The following MTCH2 variants were observed in gnomAD, a reference collection of about 807,000 sequenced individuals.
MTCH2 encodes the protein mitochondrial carrier homolog 2.
Under a neutral mutation model 50.6 loss-of-function variants are expected in MTCH2, and 25 were observed. The observed-to-expected ratio is 0.49, with a 90% confidence interval of 0.36 to 0.69. The LOEUF (loss-of-function observed/expected upper bound fraction) is 0.69, where lower values mean the gene tolerates loss of function less well. Among genes scored for constraint, MTCH2 ranks in the 30% least tolerant of loss-of-function variants. The pLI is 0.00. For synonymous variants in MTCH2, 106 were observed against 132.0 expected, an observed-to-expected ratio of 0.80 and a Z score of 1.35; for missense variants, 273 against 384.4, an observed-to-expected ratio of 0.71 and a Z score of 2.42.
the MTCH2 span, among the ~76,000 whole-genome samples, chr11:47,607,270 C>T: frequency 6.6e-6 from 1 of 152,202 alleles, no homozygotes; most frequent in African/African-American, 2.4e-5. Flanking sequence ...CTTCTGTGCT[C>T]AGCTTAGCTT....
Position 47,638,708 on chromosome 11 carries a change from T to C in MTCH2, c.270A>G (p.Lys90=). The change falls in exon 3 of 13, where the codon AAA becomes AAG. Residue 90 remains lysine (K), a synonymous_variant. Coordinates refer to ENST00000302503, the MANE Select transcript of MTCH2 (RefSeq NM_014342.4). The part of the protein sequence containing the change: ...SGVLGTVVHG[K]VLQHYQESDK... ...TTAATTTTCCTCTTACCTGTAAAAC[T>C]TTACCATGGACCACAGTTCCAAGGA... 1 of 1,613,830 alleles carries C rather than the reference T, an allele frequency of 6.2e-7. No homozygotes were observed.
At chr11:47,633,916 TTAAG>T (rs2097306067) in intron 5 of MTCH2, among the ~76,000 whole-genome samples, 1 of 152,080 alleles carries the variant, frequency 6.6e-6, no homozygotes, top group Non-Finnish European at 1.5e-5. Flanking sequence ...ATGTGAAGAC[TTAAG>T]TAATAAGAGA....
chr11:47,618,999 A>C (rs1036008215), intron 12 of MTCH2, 80 bp from the exon 13 acceptor site: 2 of 1,251,566 alleles, frequency 1.6e-6, no homozygotes, highest in Non-Finnish European at 2.3e-6. Context: ...GAGAGGTCCA[A>C]TTGGGAGACG....
In MTCH2 at chr11:47,625,650, G is replaced by C. The variant is rs2153799052; in HGVS notation, c.749+24C>G. ...TCAGCATACAGTCAACCACCTACTA[G>C]AATAAGAAATACAAAGTGCTTACCC... On this transcript the variant is annotated intron_variant, in intron 11 of 12. Transcript: ENST00000302503. 3 of 1,234,178 alleles carry C rather than the reference G, an allele frequency of 2.4e-6. No homozygotes were observed. In the East Asian group the frequency reaches 8.4e-5, roughly 35 times the overall value. The allele number at this position is 1,234,178 out of a possible 1,614,324, so 76.5% of individuals were successfully genotyped here.
intron 5 of MTCH2, among the ~76,000 whole-genome samples, chr11:47,632,583 C>T (rs1295470471): frequency 1.3e-5 from 2 of 152,122 alleles, no homozygotes; most frequent in Admixed American, 1.3e-4. Context: ...TGGTCTCGAT[C>T]TCCTGACCTC....
chr11:47,606,167 G>C, the MTCH2 span, among the ~76,000 whole-genome samples: 1 of 152,084 alleles, frequency 6.6e-6, no homozygotes, highest in South Asian at 2.1e-4. Context: ...TAGGTGGTTA[G>C]GTTTTCTCTT....
At position 47,634,794 on chromosome 11, in the gene MTCH2, A is replaced by C; in HGVS notation, c.307-60T>G. 4 of 959,150 alleles carry C rather than the reference A, an allele frequency of 4.2e-6. No homozygotes were observed. The South Asian group carries it at 4.8e-5, about 11-fold the overall frequency. 59.4% of individuals were successfully genotyped at this position (959,150 alleles called of 1,614,324 possible). On this transcript the variant is annotated intron_variant, in intron 4 of 12. Transcript: ENST00000302503. ...ATTTTTTTTTTTTTTTTTTTTTGAG[A>C]CAGAGTCTCGCTCTGTCGCCCAGGC...
chr11:47,628,880 T>C (rs2097300485), intron 9 of MTCH2, 73 bp downstream of exon 9: 37 of 1,395,544 alleles, frequency 2.7e-5, no homozygotes, highest in Middle Eastern at 2.0e-4. Flanking sequence ...GCCCGGCCCA[T>C]CTTACTTTAA....
intron 12 of MTCH2, among the ~76,000 whole-genome samples, chr11:47,619,259 T>C (rs2097291003): frequency 6.6e-6 from 1 of 152,198 alleles, no homozygotes. Context: ...TTTTTTGAGA[T>C]GGAGTCTCGC....
the MTCH2 span, among the ~76,000 whole-genome samples, chr11:47,609,626 C>CAA: frequency 1.4e-3 from 120 of 88,102 alleles, no homozygotes; most frequent in Non-Finnish European, 1.7e-3. Flanking sequence ...GACTCTGTCT[C>CAA]AAAAAAAAAA....
chr11:47,640,302 C>G (rs928643181), intron 1 of MTCH2, among the ~76,000 whole-genome samples: 1 of 152,144 alleles, frequency 6.6e-6, no homozygotes, highest in Non-Finnish European at 1.5e-5. Context: ...GCATGCCAGT[C>G]TGGGTGACAA....
rs1419622105 is a variant in MTCH2 at position 47,617,321 on chromosome 11, T to C, written c.*1512A>G. ...AGCCACAGGATAAACATGGCACATTTTCCCAGATCATCTTTACTTAAAGAT... is the reference window on the plus strand; with the variant it reads ...AGCCACAGGATAAACATGGCACATTCTCCCAGATCATCTTTACTTAAAGAT... On this transcript the variant is annotated 3_prime_UTR_variant, in exon 13 of 13. Transcript: ENST00000302503. The C allele has an allele frequency of 2.0e-5, 3 of 152,224 alleles. No homozygotes were observed. Among genetic ancestry groups the C allele is most frequent in the Non-Finnish European group, 2.9e-5 (2 of 68,038 alleles). 9.4% of individuals were successfully genotyped at this position (152,224 alleles called of 1,614,324 possible).
intron 10 of MTCH2, among the ~76,000 whole-genome samples, chr11:47,626,250 T>C (rs2097298061): frequency 6.6e-6 from 1 of 151,818 alleles, no homozygotes; most frequent in Non-Finnish European, 1.5e-5. Context: ...TTCTCCAAAT[T>C]GGCCAAGGTG....
intron 6 of MTCH2, among the ~76,000 whole-genome samples, chr11:47,631,357 C>A (rs1158146540): frequency 6.6e-6 from 1 of 151,848 alleles, no homozygotes; most frequent in Non-Finnish European, 1.5e-5. Flanking sequence ...TGCAGTGAGC[C>A]AAGATTGTGC....
intron 5 of MTCH2, among the ~76,000 whole-genome samples, chr11:47,634,058 C>T: frequency 6.6e-6 from 1 of 152,052 alleles, no homozygotes; most frequent in South Asian, 2.1e-4. Context: ...ATCCAACATA[C>T]AAAGGGCCTG....
At position 47,642,527 on chromosome 11, in the gene MTCH2, C is replaced by G; in HGVS notation, c.-62G>C. ...CCACCAAGCGACCCGGTGAGCCGGTCCTAGGTCACGTGCCAGGGCCGCCGG... is the reference window on the plus strand; with the variant it reads ...CCACCAAGCGACCCGGTGAGCCGGTGCTAGGTCACGTGCCAGGGCCGCCGG... On this transcript the variant is annotated 5_prime_UTR_variant, in exon 1 of 13. Transcript: ENST00000302503. 1.4e-6 allele frequency: 2 copies of G among 1,477,218 alleles called. No homozygotes were observed. The highest frequency in any genetic ancestry group is 1.8e-6 in the Non-Finnish European group (2 of 1,097,488). The allele number at this position is 1,477,218 out of a possible 1,614,324, so 91.5% of individuals were successfully genotyped here. A position where few individuals can be genotyped will look rare whatever the true frequency, so the allele number is the denominator to read the frequency against.
At position 47,639,019 on chromosome 11, in the gene MTCH2, T is replaced by A. The variant is rs1307153841; in HGVS notation, c.120A>T (p.Gly40=). 1 of 1,613,810 alleles carries A rather than the reference T, an allele frequency of 6.2e-7. No homozygotes were observed. Among genetic ancestry groups the A allele is most frequent in the South Asian group, 1.1e-5 (1 of 90,998 alleles). ...ACACTTGCCGCCCAAAAATATTTCG[T>A]CCTATTGTTGGAGGAAGAGGCTCAT... ...VGYEPLPPTI[G]RNIFGRQVCQ... Residue 40 remains glycine (G), a synonymous_variant, in exon 2 of 13, where the codon GGA becomes GGT. Coordinates refer to ENST00000302503, the MANE Select transcript of MTCH2 (RefSeq NM_014342.4).
At chr11:47,612,728 CAA>C (rs541769139), downstream of MTCH2, among the ~76,000 whole-genome samples, 101 of 96,866 alleles carry the variant, frequency 1.0e-3, no homozygotes, top group Non-Finnish European at 1.0e-3. Flanking sequence ...GACCCTATCT[CAA>C]AAAAAAAAAA....
At chr11:47,627,355 A>G (rs909646357) in intron 9 of MTCH2, among the ~76,000 whole-genome samples, 5 of 150,818 alleles carry the variant, frequency 3.3e-5, no homozygotes, top group African/African-American at 1.2e-4. Flanking sequence ...GGGTCTCCCT[A>G]TGTTTGCCCA....
Sources: gnomAD v4.1 joint callset for allele counts (sites outside exome capture counted in the v4.1 genomes callset) on GRCh38, gnomAD v4.1.1 for gene constraint, MANE v1.5 for transcripts, NCBI Gene and HGNC (gene_info 2026-07-23, HGNC 2026-07-21) for gene names.